DENND1A: variants seen among roughly 807,000 people sequenced by gnomAD.
DENND1A encodes DENN domain-containing protein 1A.
In DENND1A, 51 loss-of-function variants were observed where a neutral mutation model predicts 113.7. That is an observed-to-expected ratio of 0.45 (90% CI 0.36 to 0.57). The LOEUF is 0.57. Among genes scored for constraint, DENND1A ranks in the 20% least tolerant of loss-of-function variants. The probability of loss-of-function intolerance (pLI) is 0.00; values close to 1 mark genes in which losing one functional copy is unlikely to be tolerated. For synonymous variants in DENND1A, 565 were observed against 570.8 expected (o/e 0.99, Z 0.14); for missense variants, 1,258 against 1,395.9 (o/e 0.90, Z 1.57).
At chr9:123,398,928 G>A (rs879382955) in intron 21 of DENND1A, among the ~76,000 whole-genome samples, 3 of 151,556 alleles carry the variant, frequency 2.0e-5, no homozygotes, top group Non-Finnish European at 4.4e-5. Flanking sequence ...CCTAGTAACT[G>A]GGATTACAAG....
intron 12 of DENND1A, among the ~76,000 whole-genome samples, chr9:123,569,753 C>T (rs960185821): frequency 2.6e-5 from 4 of 152,200 alleles, no homozygotes; most frequent in Non-Finnish European, 5.9e-5. Context: ...ACACTGTCCC[C>T]TGACCCCAAG....
intron 5 of DENND1A, among the ~76,000 whole-genome samples, chr9:123,738,482 T>TGTGG (rs1554726331): frequency 6.8e-6 from 1 of 147,684 alleles, no homozygotes; most frequent in Admixed American, 6.7e-5. Flanking sequence ...TGTGTGTGTG[T>TGTGG]AGTGATGTTT....
chr9:123,393,483 G>T (rs1416330275), intron 21 of DENND1A, among the ~76,000 whole-genome samples: 1 of 151,658 alleles, frequency 6.6e-6, no homozygotes, highest in African/African-American at 2.4e-5. Context: ...GATTGCTTCA[G>T]CCCAGGAGTT....
intron 19 of DENND1A, among the ~76,000 whole-genome samples, chr9:123,425,331 C>T (rs553192420): frequency 7.2e-5 from 11 of 152,342 alleles, no homozygotes; most frequent in Non-Finnish European, 1.2e-4. Context: ...AAAGAAATGC[C>T]GTTTGTAGGC....
intron 1 of DENND1A, among the ~76,000 whole-genome samples, chr9:123,896,344 C>G (rs1227179679): frequency 6.6e-6 from 1 of 151,458 alleles, no homozygotes; most frequent in Non-Finnish European, 1.5e-5. Flanking sequence ...AAAAAAAAAC[C>G]CTCAACCCCA....
intron 11 of DENND1A, among the ~76,000 whole-genome samples, chr9:123,607,022 G>A (rs1025634219): frequency 6.6e-6 from 1 of 152,202 alleles, no homozygotes; most frequent in Admixed American, 6.5e-5. Context: ...CCAGCCAGAA[G>A]GCTTGACAGT....
intron 22 of DENND1A, among the ~76,000 whole-genome samples, chr9:123,387,210 A>G (rs1405128833): frequency 1.3e-5 from 2 of 152,204 alleles, no homozygotes; most frequent in Non-Finnish European, 2.9e-5. Flanking sequence ...AAAAATCGCT[A>G]CTTGTAATTG....
chr9:123,413,506 C>G, intron 19 of DENND1A: 1 of 985,464 alleles, frequency 1.0e-6, no homozygotes, highest in Non-Finnish European at 1.2e-6. Context: ...CCCACTACTC[C>G]TGGAGGGCAG....
chr9:123,574,507 T>C (rs573271010), intron 12 of DENND1A, among the ~76,000 whole-genome samples: 1 of 152,332 alleles, frequency 6.6e-6, no homozygotes, highest in South Asian at 2.1e-4. Flanking sequence ...TTCATAATAC[T>C]CCCTTCTTTT....
rs772258334 is a variant in DENND1A, at chr9:123,851,020, GAC to G, written c.88+27929_88+27930del. Among the ~76,000 whole-genome samples, 21 of 152,004 alleles carry G rather than the reference GAC, an allele frequency of 1.4e-4. 1 individual carries two copies. Among genetic ancestry groups the G allele is most frequent in the Non-Finnish European group, 2.4e-4 (16 of 68,002 alleles). ...ATCCAACTATATATTGCTTTCAAGAGACACGTCTTCAACACAAGAATGAAAAA... is the reference window on the plus strand; with the variant it reads ...ATCCAACTATATATTGCTTTCAAGAGACGTCTTCAACACAAGAATGAAAAA... On this transcript the variant is annotated intron_variant, in intron 2 of 23. Coordinates refer to ENST00000394215, the MANE Select transcript of DENND1A (RefSeq NM_001352964.2).
intron 3 of DENND1A, among the ~76,000 whole-genome samples, chr9:123,775,621 A>G (rs1426579161): frequency 6.6e-6 from 1 of 152,252 alleles, no homozygotes; most frequent in Admixed American, 6.5e-5. Context: ...AAAAATGTGC[A>G]CAGATGGGCA....
chr9:123,911,497 C>T (rs1390329159), intron 1 of DENND1A, among the ~76,000 whole-genome samples: 1 of 152,206 alleles, frequency 6.6e-6, no homozygotes, highest in South Asian at 2.1e-4. Flanking sequence ...TTCATAATAG[C>T]CAAAAATGGG....
intron 3 of DENND1A, among the ~76,000 whole-genome samples, chr9:123,788,344 TG>T (rs1832505373): frequency 6.6e-6 from 1 of 152,174 alleles, no homozygotes; most frequent in Non-Finnish European, 1.5e-5. Context: ...TAAAGGCTCA[TG>T]TTTTTTAATC....
intron 5 of DENND1A, among the ~76,000 whole-genome samples, chr9:123,701,391 T>G (rs1198264284): frequency 6.6e-6 from 1 of 152,134 alleles, no homozygotes; most frequent in East Asian, 1.9e-4. Context: ...TCCCTCCCCT[T>G]ACCTCAGGCA....
rs569162688 is a variant in DENND1A at position 123,560,716 on chromosome 9, A to C, written c.868-3021T>G. Among the ~76,000 whole-genome samples, 55 of 151,916 alleles carry C rather than the reference A, an allele frequency of 3.6e-4. 1 individual carries two copies. Among genetic ancestry groups the C allele is most frequent in the Middle Eastern group, 6.8e-3 (2 of 294 alleles). On this transcript the variant is annotated intron_variant, in intron 12 of 23. Coordinates refer to ENST00000394215, the MANE Select transcript of DENND1A (RefSeq NM_001352964.2). ...AAAAAAAAAAAAAAGGAAAAGTAAAAAGCCCTGGGAACATACACTGAGGGG... is the reference window on the plus strand; with the variant it reads ...AAAAAAAAAAAAAAGGAAAAGTAAACAGCCCTGGGAACATACACTGAGGGG...
chr9:123,565,647 G>C (rs906766766), intron 12 of DENND1A, among the ~76,000 whole-genome samples: 2 of 152,168 alleles, frequency 1.3e-5, no homozygotes, highest in African/African-American at 4.8e-5. Context: ...GAATGTGTGC[G>C]TCTGGAGAGG....
At chr9:123,651,838 G>A (rs2062676793) in intron 9 of DENND1A, among the ~76,000 whole-genome samples, 175 bp downstream of exon 9, 1 of 139,582 alleles carries the variant, frequency 7.2e-6, no homozygotes, top group Non-Finnish European at 1.5e-5. Context: ...AGGAATAAAT[G>A]AAATGTGCAT....
rs1012279742 is a variant in DENND1A, at chr9:123,383,544, T to C, written c.2019+111A>G. The stretch of plus-strand genomic sequence containing the variant: ...TGACCCTGAGCATTGGCTGAGGGTC[T>C]TGGAAAGTCACTGTTTCTCCCTTAG... On this transcript the variant is annotated intron_variant, in intron 23 of 23. Coordinates refer to ENST00000394215, the MANE Select transcript of DENND1A (RefSeq NM_001352964.2). 26 of 1,497,306 alleles carry C rather than the reference T, an allele frequency of 1.7e-5. No homozygotes were observed. The African/African-American group carries it at 2.6e-4, about 15-fold the overall frequency. 92.8% of individuals were successfully genotyped at this position (1,497,306 alleles called of 1,614,324 possible).
intron 20 of DENND1A, among the ~76,000 whole-genome samples, chr9:123,407,733 G>C (rs897079920): frequency 1.3e-5 from 2 of 152,132 alleles, no homozygotes; most frequent in African/African-American, 4.8e-5. Flanking sequence ...GTTCAAGGGG[G>C]ACTGGAGGGG....
Sources: allele counts gnomAD v4.1 joint callset (sites outside exome capture counted in the v4.1 genomes callset), GRCh38; gene constraint gnomAD v4.1.1; transcripts MANE v1.5; gene names NCBI Gene and HGNC (gene_info 2026-07-23, HGNC 2026-07-21).